The following EPHA6 variants were observed in gnomAD, a reference collection of about 807,000 sequenced individuals.
The protein encoded by EPHA6 is EPH receptor A6.
EPHA6 carries 50 observed loss-of-function variants against 112.0 expected under a neutral mutation model. The ratio of observed to expected loss-of-function variants is 0.45; its 90% CI spans 0.36 to 0.56. The LOEUF (loss-of-function observed/expected upper bound fraction) is 0.56, where lower values mean the gene tolerates loss of function less well. Among genes scored for constraint, EPHA6 ranks in the 20% least tolerant of loss-of-function variants. The pLI is 0.00. For synonymous variants in EPHA6, 529 were observed against 490.7 expected (o/e 1.08, Z -1.03); for missense variants, 1,280 against 1,417.4 (o/e 0.90, Z 1.56).
intron 14 of EPHA6, among the ~76,000 whole-genome samples, chr3:97,688,797 T>A (rs1488163321): frequency 6.6e-6 from 1 of 152,138 alleles, no homozygotes; most frequent in African/African-American, 2.4e-5. Flanking sequence ...TACACTTTTT[T>A]AAAAACTAAC....
At chr3:96,931,810 T>C (rs552623528) in intron 2 of EPHA6, among the ~76,000 whole-genome samples, 121 of 152,182 alleles carry the variant, frequency 8.0e-4, no homozygotes, top group Non-Finnish European at 1.4e-3. Context: ...ATACCGCTGC[T>C]TGGCTCCCTG....
Position 97,244,109 on chromosome 3 carries a change from TG to T in EPHA6, c.1430del (p.Gly477ValfsTer13). On this transcript the variant is annotated frameshift_variant, in exon 5 of 18. Coordinates refer to ENST00000389672, the MANE Select transcript of EPHA6 (RefSeq NM_001080448.3). LOFTEE classifies it high-confidence loss of function. ...TAGACACCAGCCAGTGTGAGGACTG[TG>T]GTGGAGGACTCCGCTTCATCCCAAG... is the stretch of plus-strand genomic sequence containing the variant. ...GLDTSQCEDC[G>X]GGLRFIPRHT... The T allele has an allele frequency of 6.2e-7, 1 of 1,613,042 alleles. No individual in the cohort carries two copies. Among genetic ancestry groups the T allele is most frequent in the Non-Finnish European group, 8.5e-7 (1 of 1,179,332 alleles).
intron 10 of EPHA6, among the ~76,000 whole-genome samples, chr3:97,513,895 A>T (rs1488312078): frequency 6.6e-6 from 1 of 152,188 alleles, no homozygotes; most frequent in Non-Finnish European, 1.5e-5. Flanking sequence ...CTGAGAGAGA[A>T]AAATGAACAG....
intron 2 of EPHA6, among the ~76,000 whole-genome samples, chr3:96,952,539 G>A (rs756353609): frequency 7.2e-5 from 11 of 152,118 alleles, no homozygotes; most frequent in Non-Finnish European, 1.5e-4. Flanking sequence ...AACTCAGTAT[G>A]AAAGATTTTA....
intron 7 of EPHA6, among the ~76,000 whole-genome samples, chr3:97,452,213 T>G (rs1486392051): frequency 6.6e-6 from 1 of 151,786 alleles, no homozygotes; most frequent in Non-Finnish European, 1.5e-5. Context: ...CTAGTGGAGA[T>G]TCTCTAACTG....
chr3:96,839,140 G>A (rs2034584711), intron 1 of EPHA6, among the ~76,000 whole-genome samples: 1 of 152,106 alleles, frequency 6.6e-6, no homozygotes, highest in African/African-American at 2.4e-5. Context: ...TTTAAACTTA[G>A]TATCCCCTAC....
chr3:97,443,653 G>T (rs1008780790), intron 6 of EPHA6, among the ~76,000 whole-genome samples: 2 of 152,070 alleles, frequency 1.3e-5, no homozygotes, highest in African/African-American at 2.4e-5. Context: ...AAAAATAAAG[G>T]CAGCCTGCAT....
At chr3:97,184,170 T>C (rs2077061684) in intron 3 of EPHA6, among the ~76,000 whole-genome samples, 2 of 152,174 alleles carry the variant, frequency 1.3e-5, no homozygotes, top group South Asian at 4.1e-4. Context: ...TTATGAGAGG[T>C]TATCAAGTTC....
At chr3:96,865,219 G>C (rs1043411222) in intron 1 of EPHA6, among the ~76,000 whole-genome samples, 1 of 152,088 alleles carries the variant, frequency 6.6e-6, no homozygotes, top group Non-Finnish European at 1.5e-5. Context: ...TCTGCAATGA[G>C]TAAGTAGAGT....
At chr3:96,889,498 C>A (rs2037831884) in intron 2 of EPHA6, among the ~76,000 whole-genome samples, 1 of 152,066 alleles carries the variant, frequency 6.6e-6, no homozygotes, top group Non-Finnish European at 1.5e-5. Flanking sequence ...AATAAGAAAT[C>A]AAAGCAGAAA....
At chr3:97,206,754 T>C (rs1295466303) in intron 3 of EPHA6, among the ~76,000 whole-genome samples, 1 of 152,116 alleles carries the variant, frequency 6.6e-6, no homozygotes, top group Non-Finnish European at 1.5e-5. Flanking sequence ...TTATTCAACC[T>C]ATACCCCCCT....
intron 2 of EPHA6, among the ~76,000 whole-genome samples, chr3:96,906,879 TG>T (rs1373333021): frequency 6.6e-6 from 1 of 151,990 alleles, no homozygotes; most frequent in African/African-American, 2.4e-5. Flanking sequence ...CAAAGGTTTC[TG>T]TAAGGATATG....
chr3:96,860,447 T>C (rs1258058569), intron 1 of EPHA6, among the ~76,000 whole-genome samples: 1 of 152,122 alleles, frequency 6.6e-6, no homozygotes, highest in African/African-American at 2.4e-5. Flanking sequence ...GGCCATTATA[T>C]TGTAGATATA....
At chr3:97,127,309 CCT>C (rs1398433787) in intron 3 of EPHA6, among the ~76,000 whole-genome samples, 3 of 152,116 alleles carry the variant, frequency 2.0e-5, no homozygotes, top group Non-Finnish European at 2.9e-5. Flanking sequence ...ATGTTCCTTT[CCT>C]CCAGGTATAG....
At position 96,972,106 on chromosome 3, in the gene EPHA6, G is replaced by A. The variant is rs146900943; in HGVS notation, c.451-15224G>A. 1.2e-3 allele frequency among the ~76,000 whole-genome samples: 181 copies of A among 152,110 alleles called. 1 individual carries two copies. The highest frequency in any genetic ancestry group is 4.1e-3 in the African/African-American group (172 of 41,518). Reference sequence around the variant, plus strand: ...TTAATCATCTACCAGTGTAATGCTAGCTAATTTAAAAACGCATTTAGTCTT... The same window carrying A: ...TTAATCATCTACCAGTGTAATGCTAACTAATTTAAAAACGCATTTAGTCTT... On this transcript the variant is annotated intron_variant, in intron 2 of 17. Coordinates refer to ENST00000389672, the MANE Select transcript of EPHA6 (RefSeq NM_001080448.3).
chr3:97,467,652 A>C (rs535286710), intron 7 of EPHA6, among the ~76,000 whole-genome samples: 43 of 151,824 alleles, frequency 2.8e-4, no homozygotes, highest in Non-Finnish European at 2.2e-4. Flanking sequence ...GAAGATGTAA[A>C]TATTCTTTGA....
At chr3:97,580,917 C>T (rs1362848592) in intron 11 of EPHA6, among the ~76,000 whole-genome samples, 2 of 152,190 alleles carry the variant, frequency 1.3e-5, no homozygotes, top group Admixed American at 1.3e-4. Context: ...GCCCAACACA[C>T]TGTTATTACT....
rs144156425 is a variant in EPHA6, at chr3:97,457,180, G to C, written c.1894+8450G>C. On this transcript the variant is annotated intron_variant, in intron 7 of 17. Coordinates refer to ENST00000389672, the MANE Select transcript of EPHA6 (RefSeq NM_001080448.3). ...TGGTCATGCACTAAGCTCAAGTAGG[G>C]AATACAAGTATTGTGTTGTTCAGCA... 6.2e-3 allele frequency among the ~76,000 whole-genome samples: 944 copies of C among 152,286 alleles called. 12 individuals carry two copies. The highest frequency in any genetic ancestry group is 0.021 in the African/African-American group (870 of 41,556).
chr3:97,690,207 T>C (rs2032561529), intron 14 of EPHA6, among the ~76,000 whole-genome samples: 2 of 152,230 alleles, frequency 1.3e-5, no homozygotes, highest in African/African-American at 2.4e-5. Flanking sequence ...TTTAACTTTT[T>C]GAAAAGCTGC....
Sources: gnomAD v4.1 joint callset for allele counts (sites outside exome capture counted in the v4.1 genomes callset) on GRCh38, gnomAD v4.1.1 for gene constraint, MANE v1.5 for transcripts, NCBI Gene and HGNC (gene_info 2026-07-23, HGNC 2026-07-21) for gene names.